MYOCD: variants seen among roughly 807,000 people sequenced by gnomAD.
MYOCD encodes myocardin.
A neutral mutation model predicts 96.1 loss-of-function variants in MYOCD; 32 were observed. The ratio of observed to expected loss-of-function variants is 0.33; its 90% confidence interval spans 0.25 to 0.45. MYOCD has a LOEUF of 0.45. Ranked by LOEUF, MYOCD falls within the 20% of genes least tolerant of loss-of-function variation. The pLI is 1.00. For missense variants in MYOCD, 1,133 were observed against 1,200.6 expected (o/e 0.94, Z 0.83); for synonymous variants, 469 against 469.0 (o/e 1.00, Z 0.00).
intron 1 of MYOCD, among the ~76,000 whole-genome samples, chr17:12,695,287 G>A (rs142482456): frequency 1.3e-3 from 197 of 152,232 alleles, no homozygotes; most frequent in Non-Finnish European, 1.8e-3. Context: ...GCCTCCTCCC[G>A]TGGTGGAAGG....
rs1474095612 is a variant in MYOCD, at chr17:12,764,795, A to G, written c.*1151A>G. On this transcript the variant is annotated 3_prime_UTR_variant, in exon 14 of 14. Coordinates refer to ENST00000425538, the MANE Select transcript of MYOCD (RefSeq NM_001146312.3). ...GACTTCTCAGTTCTAACAAGCTGCC[A>G]TACTCCTAAGAAAGCCATTTTTGAA... 6.6e-6 allele frequency: 1 copy of G among 152,168 alleles called. No individual in the cohort carries two copies. Among genetic ancestry groups the G allele is most frequent in the Admixed American group, 6.5e-5 (1 of 15,280 alleles). 9.4% of individuals were successfully genotyped at this position (152,168 alleles called of 1,614,324 possible).
At chr17:12,685,604 TAAA>T (rs66632617) in intron 1 of MYOCD, among the ~76,000 whole-genome samples, 2,228 of 143,922 alleles carry the variant, frequency 0.015, 19 homozygotes, top group Middle Eastern at 0.032. Flanking sequence ...GAGACTGGCT[TAAA>T]AAAAAAAAAA....
chr17:12,741,028 G>A (rs1396644164), intron 7 of MYOCD, among the ~76,000 whole-genome samples: 2 of 40,262 alleles, frequency 5.0e-5, no homozygotes, highest in Non-Finnish European at 9.1e-5. Context: ...GTAAGCCACC[G>A]TGCCTGGCCT....
At chr17:12,688,759 T>A (rs2030288548) in intron 1 of MYOCD, among the ~76,000 whole-genome samples, 1 of 151,812 alleles carries the variant, frequency 6.6e-6, no homozygotes, top group African/African-American at 2.4e-5. Flanking sequence ...GCTTCCTTCC[T>A]TCCTTCTTTC....
At chr17:12,716,438 T>C (rs990794344) in intron 3 of MYOCD, among the ~76,000 whole-genome samples, 4 of 152,202 alleles carry the variant, frequency 2.6e-5, no homozygotes, top group African/African-American at 9.6e-5. Context: ...GGTCCAGTGT[T>C]GGCCCTCCCA....
chr17:12,736,524 G>A (rs568462089), intron 6 of MYOCD, among the ~76,000 whole-genome samples, 188 bp downstream of exon 6: 2 of 152,242 alleles, frequency 1.3e-5, no homozygotes, highest in South Asian at 4.1e-4. Context: ...GGTGACAAAA[G>A]CTCCAGAAAA....
rs531177335 is a variant in MYOCD at position 12,736,371 on chromosome 17, A to G, written c.591+35A>G. On this transcript the variant is annotated intron_variant, in intron 6 of 13. Transcript: ENST00000425538. The stretch of plus-strand genomic sequence containing the variant: ...AAAACAAACAAACGAAAAAAGTAAA[A>G]CAGCATCTCAGTGTATTATCGTTTC... 10 of 1,603,502 alleles carry G rather than the reference A, an allele frequency of 6.2e-6. No homozygotes were observed. The South Asian group carries it at 9.9e-5, about 16-fold the overall frequency.
chr17:12,675,029 A>T (rs553225723), intron 1 of MYOCD, among the ~76,000 whole-genome samples: 2 of 152,350 alleles, frequency 1.3e-5, no homozygotes, highest in African/African-American at 4.8e-5. Context: ...ACTTGAAAAT[A>T]TACGTGAGAC....
chr17:12,700,799 A>G (rs2031034588), intron 1 of MYOCD, among the ~76,000 whole-genome samples: 1 of 152,202 alleles, frequency 6.6e-6, no homozygotes, highest in South Asian at 2.1e-4. Context: ...GGTATAATGT[A>G]TAAAATGTGT....
In MYOCD at chr17:12,767,604, A is replaced by T. The variant is rs1469743633; in HGVS notation, c.*3960A>T. ...TCCTCAAACTAGAAACCTTTCAGCT[A>T]CGATGAAAAAAAAAAAGGGGTCTTC... On this transcript the variant is annotated 3_prime_UTR_variant, in exon 14 of 14. Coordinates refer to ENST00000425538, the MANE Select transcript of MYOCD (RefSeq NM_001146312.3). 6.7e-6 allele frequency: 1 copy of T among 148,374 alleles called. No homozygotes were observed. The highest frequency in any genetic ancestry group is 2.5e-5 in the African/African-American group (1 of 39,984). 9.2% of individuals were successfully genotyped at this position (148,374 alleles called of 1,614,324 possible).
chr17:12,728,809 G>A (rs1026990980), intron 5 of MYOCD, among the ~76,000 whole-genome samples: 2 of 152,170 alleles, frequency 1.3e-5, no homozygotes, highest in African/African-American at 4.8e-5. Context: ...CCGTGATTTA[G>A]AATATATAGC....
chr17:12,756,397 C>A lies in MYOCD; in HGVS notation c.2059-17C>A. The A allele has an allele frequency of 6.4e-7, 1 of 1,552,106 alleles. No homozygotes were observed. The highest frequency in any genetic ancestry group is 8.7e-7 in the Non-Finnish European group (1 of 1,147,078). ...AGCTGCTGCTGGCCATGTAATTTGT[C>A]ACTTCTTCCTTTGCAGAACTCAGGA... is the stretch of plus-strand genomic sequence containing the variant. On this transcript the variant is annotated splice_polypyrimidine_tract_variant and intron_variant, in intron 10 of 13. Coordinates refer to ENST00000425538, the MANE Select transcript of MYOCD (RefSeq NM_001146312.3).
intron 4 of MYOCD, among the ~76,000 whole-genome samples, chr17:12,721,021 T>TTA (rs2031817766): frequency 9.3e-6 from 1 of 107,576 alleles, no homozygotes; most frequent in Admixed American, 1.1e-4. Context: ...GACTCTGTCT[T>TTA]AAAAAAAAAA....
chr17:12,757,278 GATAAGCCTGAC>G (rs1439058214), intron 11 of MYOCD, among the ~76,000 whole-genome samples: 1 of 152,146 alleles, frequency 6.6e-6, no homozygotes. Flanking sequence ...AGACAAACAA[GATAAGCCTGAC>G]ATAAAAGTGC....
At chr17:12,697,761 A>T (rs534492162) in intron 1 of MYOCD, among the ~76,000 whole-genome samples, 285 of 152,300 alleles carry the variant, frequency 1.9e-3, no homozygotes, top group Middle Eastern at 3.4e-3. Flanking sequence ...GCTAAAAAAA[A>T]ATAGGAAGTA....
At chr17:12,690,747 T>G (rs1188227660) in intron 1 of MYOCD, among the ~76,000 whole-genome samples, 1 of 152,210 alleles carries the variant, frequency 6.6e-6, no homozygotes, top group African/African-American at 2.4e-5. Flanking sequence ...GAGGGAAATT[T>G]GTGTTTATCA....
intron 1 of MYOCD, among the ~76,000 whole-genome samples, chr17:12,669,907 G>C (rs1909598495): frequency 6.6e-6 from 1 of 152,092 alleles, no homozygotes; most frequent in African/African-American, 2.4e-5. Context: ...ATCCTATCAA[G>C]CTCTTGAGAT....
chr17:12,681,132 G>A (rs958607354), intron 1 of MYOCD, among the ~76,000 whole-genome samples: 2 of 152,184 alleles, frequency 1.3e-5, no homozygotes, highest in Non-Finnish European at 2.9e-5. Context: ...TGGATTCTAA[G>A]TCCATGCTTG....
chr17:12,717,483 G>A, intron 4 of MYOCD, 62 bp downstream of exon 4: 1 of 1,347,198 alleles, frequency 7.4e-7, no homozygotes, highest in Non-Finnish European at 1.1e-6. Context: ...TTTTCCCAGA[G>A]TTACTTGTCT....
Sources: gnomAD v4.1 joint callset for allele counts (sites outside exome capture counted in the v4.1 genomes callset) on GRCh38, gnomAD v4.1.1 for gene constraint, MANE v1.5 for transcripts, NCBI Gene and HGNC (gene_info 2026-07-23, HGNC 2026-07-21) for gene names.